AOPEP: variants seen among roughly 807,000 people sequenced by gnomAD.
The protein encoded by AOPEP is aminopeptidase O (putative).
Under a neutral mutation model 98.1 loss-of-function variants are expected in AOPEP, and 77 were observed. That is an observed-to-expected ratio of 0.78 (90% CI 0.65 to 0.95). The LOEUF is 0.95. AOPEP is among the 40% of genes least tolerant of loss of function. AOPEP has a pLI of 0.00. For missense variants in AOPEP, 1,024 were observed against 1,024.7 expected (o/e 1.00, Z 0.01); for synonymous variants, 346 against 365.3 (o/e 0.95, Z 0.60).
At chr9:94,802,844 GA>G (rs1433918809) in intron 5 of AOPEP, among the ~76,000 whole-genome samples, 2 of 152,142 alleles carry the variant, frequency 1.3e-5, no homozygotes, top group Non-Finnish European at 2.9e-5. Context: ...GTGGAAGGGG[GA>G]TTGTGGTCTC....
At chr9:94,858,592 G>A (rs1270859580) in intron 5 of AOPEP, among the ~76,000 whole-genome samples, 4 of 152,164 alleles carry the variant, frequency 2.6e-5, no homozygotes, top group Non-Finnish European at 4.4e-5. Flanking sequence ...AGCCAACATC[G>A]CCAACATCTT....
intron 5 of AOPEP, among the ~76,000 whole-genome samples, chr9:94,919,425 C>CGCAGTCTCA (rs1404384857): frequency 2.0e-5 from 3 of 152,114 alleles, no homozygotes; most frequent in African/African-American, 7.2e-5. Flanking sequence ...TTCCCTCCCA[C>CGCAGTCTCA]GCAGTCTCAG....
At chr9:95,110,774 C>T in the AOPEP span, 1 of 1,104,464 alleles carries the variant, frequency 9.1e-7, no homozygotes, top group Non-Finnish European at 1.1e-6. Flanking sequence ...AAGAACCTAG[C>T]AAATCAATGC....
At chr9:94,795,640 G>A (rs1002182736) in intron 4 of AOPEP, among the ~76,000 whole-genome samples, 2 of 152,212 alleles carry the variant, frequency 1.3e-5, no homozygotes, top group Non-Finnish European at 2.9e-5. Context: ...ATTCCAAAGA[G>A]ATGTGGGGTT....
At chr9:94,947,134 G>A (rs562446054) in intron 7 of AOPEP, among the ~76,000 whole-genome samples, 1 of 149,422 alleles carries the variant, frequency 6.7e-6, no homozygotes, top group African/African-American at 2.5e-5. Context: ...CTGCCACCAC[G>A]CCCGGCTAAT....
chr9:95,045,207 G>C (rs2065735774), intron 13 of AOPEP, among the ~76,000 whole-genome samples: 1 of 152,236 alleles, frequency 6.6e-6, no homozygotes, highest in Non-Finnish European at 1.5e-5. Flanking sequence ...GTGCTTGGAG[G>C]AAAGGACGAC....
chr9:95,096,164 A>G, the AOPEP span, among the ~76,000 whole-genome samples: 2 of 152,082 alleles, frequency 1.3e-5, no homozygotes, highest in South Asian at 2.1e-4. Flanking sequence ...ATTCTGTAAC[A>G]GTTTTACTCC....
chr9:95,084,850 C>G (rs985020278), intron 16 of AOPEP, among the ~76,000 whole-genome samples: 1 of 152,216 alleles, frequency 6.6e-6, no homozygotes, highest in African/African-American at 2.4e-5. Context: ...GGGGGACCTC[C>G]TGACTTGAGA....
intron 14 of AOPEP, among the ~76,000 whole-genome samples, chr9:95,073,471 C>T (rs1028661610): frequency 1.4e-5 from 2 of 148,074 alleles, no homozygotes; most frequent in Non-Finnish European, 2.9e-5. Flanking sequence ...AAGAAGAGGC[C>T]GGCGCGGTGG....
chr9:94,828,317 G>A (rs1855110281), intron 5 of AOPEP, among the ~76,000 whole-genome samples: 1 of 99,682 alleles, frequency 1.0e-5, no homozygotes, highest in South Asian at 3.9e-4. Flanking sequence ...TTCTCCCTGT[G>A]TTTTCTGCTA....
At chr9:94,886,037 T>C (rs976410435) in intron 5 of AOPEP, among the ~76,000 whole-genome samples, 12 of 152,068 alleles carry the variant, frequency 7.9e-5, no homozygotes, top group African/African-American at 2.9e-4. Context: ...CCAGGATTAG[T>C]ATCAGTATGA....
At chr9:94,769,003 A>G (rs1243302947) in intron 2 of AOPEP, among the ~76,000 whole-genome samples, 1 of 152,242 alleles carries the variant, frequency 6.6e-6, no homozygotes, top group Non-Finnish European at 1.5e-5. Context: ...ATAAACACAC[A>G]TAGATTTTCC....
chr9:94,973,737 A>T (rs913261982), intron 10 of AOPEP, among the ~76,000 whole-genome samples: 2 of 152,224 alleles, frequency 1.3e-5, no homozygotes, highest in Non-Finnish European at 2.9e-5. Context: ...ACTCGCAGTC[A>T]TGGGTCTGTG....
the AOPEP span, among the ~76,000 whole-genome samples, chr9:95,110,061 A>G: frequency 6.6e-6 from 1 of 152,164 alleles, no homozygotes; most frequent in African/African-American, 2.4e-5. Context: ...GAATGGGGGG[A>G]AGGGAAATGG....
chr9:95,123,057 C>T, the AOPEP span, among the ~76,000 whole-genome samples: 1 of 152,284 alleles, frequency 6.6e-6, no homozygotes, highest in South Asian at 2.1e-4. Flanking sequence ...ATCCAAGCAC[C>T]TTGGGAGGGC....
chr9:95,144,486 C>A, the AOPEP span, among the ~76,000 whole-genome samples: 1 of 152,232 alleles, frequency 6.6e-6, no homozygotes, highest in Non-Finnish European at 1.5e-5. Flanking sequence ...GAGCACTGTG[C>A]TAGAGCAGGA....
At chr9:95,017,835 T>C (rs1255078811) in intron 13 of AOPEP, among the ~76,000 whole-genome samples, 1 of 152,228 alleles carries the variant, frequency 6.6e-6, no homozygotes, top group Admixed American at 6.5e-5. Context: ...CAAGTACTAG[T>C]CTGCTTTCTG....
chr9:94,826,219 G>A (rs950290417), intron 5 of AOPEP, among the ~76,000 whole-genome samples: 3 of 152,162 alleles, frequency 2.0e-5, no homozygotes, highest in Non-Finnish European at 4.4e-5. Flanking sequence ...TGTTTCGTCC[G>A]CGGGCTTCAA....
At chr9:95,125,771 T>C in the AOPEP span, among the ~76,000 whole-genome samples, 1 of 152,202 alleles carries the variant, frequency 6.6e-6, no homozygotes, top group Non-Finnish European at 1.5e-5. Context: ...AAGTCTGCAG[T>C]CTGCCCTGCA....
Sources: gnomAD v4.1 joint callset for allele counts (sites outside exome capture counted in the v4.1 genomes callset) on GRCh38, gnomAD v4.1.1 for gene constraint, MANE v1.5 for transcripts, NCBI Gene and HGNC (gene_info 2026-07-23, HGNC 2026-07-21) for gene names.